TMEM123: variants seen among roughly 807,000 people sequenced by gnomAD.
TMEM123 encodes the protein transmembrane protein 123.
In TMEM123, 16 loss-of-function variants were observed where a neutral mutation model predicts 19.7. That is an observed-to-expected ratio of 0.81 (90% CI 0.55 to 1.23). The LOEUF (loss-of-function observed/expected upper bound fraction) is 1.23. Ranked by LOEUF, TMEM123 falls within the 50% of genes most tolerant of loss-of-function variation. The pLI, the probability that TMEM123 is intolerant of heterozygous loss-of-function variation, is 0.00. For synonymous variants in TMEM123, 118 were observed against 99.4 expected (o/e 1.19, Z -1.12); for missense variants, 313 against 257.8 (o/e 1.21, Z -1.47).
intron 2 of TMEM123, among the ~76,000 whole-genome samples, chr11:102,408,224 T>C (rs1951972434): frequency 6.6e-6 from 1 of 152,190 alleles, no homozygotes; most frequent in Admixed American, 6.5e-5. Flanking sequence ...GCAGCTGCAG[T>C]GTTCAGCCCA....
At chr11:102,429,343 C>G (rs191946912) in intron 2 of TMEM123, among the ~76,000 whole-genome samples, 1 of 152,186 alleles carries the variant, frequency 6.6e-6, no homozygotes, top group South Asian at 2.1e-4. Flanking sequence ...GCTCTTTTCT[C>G]TTCTTCATAA....
intron 1 of TMEM123, among the ~76,000 whole-genome samples, chr11:102,450,368 A>G (rs1857925558): frequency 6.6e-6 from 1 of 152,188 alleles, no homozygotes; most frequent in Non-Finnish European, 1.5e-5. Flanking sequence ...GTCACTTGCC[A>G]CTAAGAGTAA....
intron 2 of TMEM123, among the ~76,000 whole-genome samples, chr11:102,447,083 T>A (rs1456993924): frequency 6.6e-6 from 1 of 152,190 alleles, no homozygotes; most frequent in Non-Finnish European, 1.5e-5. Flanking sequence ...TTATGAGGCG[T>A]AAAACACATT....
At chr11:102,401,801 G>T (rs1951915546) in intron 3 of TMEM123, 109 bp from the exon 4 acceptor site, 43 of 1,492,502 alleles carry the variant, frequency 2.9e-5, no homozygotes, top group Non-Finnish European at 3.9e-5. Context: ...TAGGAATTAA[G>T]GGAAATCTAG....
intron 2 of TMEM123, among the ~76,000 whole-genome samples, chr11:102,416,567 T>C (rs1020553668): frequency 6.6e-6 from 1 of 151,938 alleles, no homozygotes; most frequent in Non-Finnish European, 1.5e-5. Context: ...CGATTCACAG[T>C]CAAGTTCTAC....
chr11:102,410,907 G>C (rs1360053377), intron 2 of TMEM123, among the ~76,000 whole-genome samples: 1 of 152,054 alleles, frequency 6.6e-6, no homozygotes, highest in Non-Finnish European at 1.5e-5. Context: ...AACACCTACT[G>C]TTCATTTTTC....
At chr11:102,426,730 A>C (rs184021403) in intron 2 of TMEM123, among the ~76,000 whole-genome samples, 68 of 152,278 alleles carry the variant, frequency 4.5e-4, no homozygotes, top group Non-Finnish European at 1.5e-4. Context: ...AAAGTTTACA[A>C]CCAAGTAAGG....
chr11:102,408,062 C>CA (rs1229397808), intron 2 of TMEM123, among the ~76,000 whole-genome samples: 2 of 152,140 alleles, frequency 1.3e-5, no homozygotes, highest in South Asian at 4.1e-4. Flanking sequence ...AAACCACTCA[C>CA]AAAACTTGTT....
At position 102,452,531 on chromosome 11, in the gene TMEM123, G is replaced by A; in HGVS notation, c.93C>T (p.Ala31=). Residue 31 remains alanine (A), a synonymous_variant, in exon 1 of 5, where the codon GCC becomes GCT. Coordinates refer to ENST00000398136, the MANE Select transcript of TMEM123 (RefSeq NM_052932.3). The part of the protein sequence containing the change: ...ALLGAAHESA[A]MAASANIENS... ...ACCCCCGCAGCCACTTACCCGCCAT[G>A]GCTGCGCTTTCATGGGCGGCCCCCA... 1 of 1,552,514 alleles carries A rather than the reference G, an allele frequency of 6.4e-7. No homozygotes were observed. The highest frequency in any genetic ancestry group is 8.7e-7 in the Non-Finnish European group (1 of 1,153,456).
At position 102,402,569 on chromosome 11, in the gene TMEM123, G is replaced by C. The variant is rs142233022; in HGVS notation, c.158-363C>G. 2.1e-3 allele frequency among the ~76,000 whole-genome samples: 318 copies of C among 152,286 alleles called. 1 individual carries two copies. The highest frequency in any genetic ancestry group is 3.0e-3 in the Non-Finnish European group (207 of 68,024). ...AATAGGCTTTCAACAAATATCTGTT[G>C]AATGGATGGATAAACTAATGAATAT... On this transcript the variant is annotated intron_variant, in intron 2 of 4. Coordinates refer to ENST00000398136, the MANE Select transcript of TMEM123 (RefSeq NM_052932.3).
intron 2 of TMEM123, among the ~76,000 whole-genome samples, chr11:102,425,557 G>C (rs12290362): frequency 6.6e-6 from 1 of 150,476 alleles, no homozygotes; most frequent in Admixed American, 6.6e-5. Flanking sequence ...GTTTCCTCCA[G>C]GATTGTTTTT....
chr11:102,425,911 T>G (rs1313503185), intron 2 of TMEM123, among the ~76,000 whole-genome samples: 1 of 152,190 alleles, frequency 6.6e-6, no homozygotes, highest in African/African-American at 2.4e-5. Flanking sequence ...CTCCCTCTTC[T>G]GAGTGCTCAC....
At chr11:102,405,195 C>CCCA (rs1951944870) in intron 2 of TMEM123, among the ~76,000 whole-genome samples, 1 of 151,350 alleles carries the variant, frequency 6.6e-6, no homozygotes, top group African/African-American at 2.4e-5. Context: ...ACTACAGGCG[C>CCCA]CCACCACCAC....
chr11:102,415,897 G>GTTA (rs1033270352), intron 2 of TMEM123, among the ~76,000 whole-genome samples: 72 of 68,806 alleles, frequency 1.0e-3, no homozygotes, highest in African/African-American at 1.5e-3. Context: ...GTTGGTGGTT[G>GTTA]TTATTATTAT....
rs528777880 is a variant in TMEM123 at position 102,398,351 on chromosome 11, A to ATGTT, written c.*512_*515dup. 2.6e-5 allele frequency: 10 copies of ATGTT among 381,298 alleles called. No individual in the cohort carries two copies. The highest frequency in any genetic ancestry group is 4.2e-5 in the Non-Finnish European group (9 of 216,006). The allele number at this position is 381,298 out of a possible 1,614,324, so 23.6% of individuals were successfully genotyped here. A position where few individuals can be genotyped will look rare whatever the true frequency, so the allele number is the denominator to read the frequency against. On this transcript the variant is annotated 3_prime_UTR_variant, in exon 5 of 5. Coordinates refer to ENST00000398136, the MANE Select transcript of TMEM123 (RefSeq NM_052932.3). ...ACTACTACAGTTTAAAGCACAAAAA[A>ATGTT]TGTTGATGTTTTTCTTAAATTATGC...
chr11:102,442,105 C>G (rs896287807), intron 2 of TMEM123, among the ~76,000 whole-genome samples: 1 of 152,128 alleles, frequency 6.6e-6, no homozygotes, highest in Non-Finnish European at 1.5e-5. Flanking sequence ...GATTCATAGC[C>G]GAATTCTACC....
intron 2 of TMEM123, among the ~76,000 whole-genome samples, chr11:102,416,796 A>G (rs1401747451): frequency 6.6e-6 from 1 of 152,170 alleles, no homozygotes; most frequent in East Asian, 1.9e-4. Flanking sequence ...AAGCTAATCC[A>G]CCATGATCAA....
At position 102,432,986 on chromosome 11, in the gene TMEM123, G is replaced by A. The variant is rs1188192504; in HGVS notation, c.157+15826C>T. Among the ~76,000 whole-genome samples, 5 of 152,014 alleles carry A rather than the reference G, an allele frequency of 3.3e-5. 1 individual carries two copies. Among genetic ancestry groups the A allele is most frequent in the Non-Finnish European group, 5.9e-5 (4 of 67,922 alleles). On this transcript the variant is annotated intron_variant, in intron 2 of 4. Coordinates refer to ENST00000398136, the MANE Select transcript of TMEM123 (RefSeq NM_052932.3). ...TGGGAACCTCTGACTGGATTTCAGAGAATGTATGGAAATGCCTGGAAGTCC... is the reference window on the plus strand; with the variant it reads ...TGGGAACCTCTGACTGGATTTCAGAAAATGTATGGAAATGCCTGGAAGTCC...
chr11:102,426,434 C>T (rs1952126689), intron 2 of TMEM123, among the ~76,000 whole-genome samples: 1 of 151,840 alleles, frequency 6.6e-6, no homozygotes, highest in South Asian at 2.1e-4. Context: ...CAATTCATTT[C>T]CCTCTATATT....
Sources: allele counts gnomAD v4.1 joint callset (sites outside exome capture counted in the v4.1 genomes callset), GRCh38; gene constraint gnomAD v4.1.1; transcripts MANE v1.5; gene names NCBI Gene and HGNC (gene_info 2026-07-23, HGNC 2026-07-21).